ANXA11: variants seen among roughly 807,000 people sequenced by gnomAD.
ANXA11 encodes the protein 56 kDa autoantigen.
A neutral mutation model predicts 64.7 loss-of-function variants in ANXA11; 57 were observed. That is an observed-to-expected ratio of 0.88 (90% confidence interval 0.71 to 1.10). The LOEUF (loss-of-function observed/expected upper bound fraction) is 1.10. Ranked by LOEUF, ANXA11 falls within the 50% of genes least tolerant of loss-of-function variation. ANXA11 has a pLI of 0.00. For synonymous variants in ANXA11, 260 were observed against 265.2 expected, an observed-to-expected ratio of 0.98 and a Z score of 0.19; for missense variants, 675 against 670.7, an observed-to-expected ratio of 1.01 and a Z score of -0.07.
chr10:80,170,031 A>C (rs1330256076), intron 4 of ANXA11, among the ~76,000 whole-genome samples: 2 of 152,096 alleles, frequency 1.3e-5, no homozygotes, highest in Non-Finnish European at 2.9e-5. Context: ...CTTACTGCTA[A>C]CTTAAAATCA....
chr10:80,190,707 G>T (rs921190743), intron 1 of ANXA11, among the ~76,000 whole-genome samples: 2 of 150,354 alleles, frequency 1.3e-5, no homozygotes, highest in Non-Finnish European at 3.0e-5. Context: ...AGATGGTCTC[G>T]ATCTCCTGAC....
chr10:80,198,229 T>C (rs1022281275), intron 1 of ANXA11, among the ~76,000 whole-genome samples: 3 of 152,186 alleles, frequency 2.0e-5, no homozygotes, highest in Non-Finnish European at 4.4e-5. Context: ...CTGATAAGCA[T>C]AGTAGTAGTT....
intron 5 of ANXA11, among the ~76,000 whole-genome samples, chr10:80,168,701 T>A (rs1257501553): frequency 6.6e-6 from 1 of 151,852 alleles, no homozygotes; most frequent in Non-Finnish European, 1.5e-5. Context: ...GCCCAGCTAA[T>A]TTTTTTTCTA....
At chr10:80,169,962 G>C (rs958099120) in intron 4 of ANXA11, among the ~76,000 whole-genome samples, 1 of 152,002 alleles carries the variant, frequency 6.6e-6, no homozygotes, top group South Asian at 2.1e-4. Flanking sequence ...CATCCATACA[G>C]CACTTCCTTC....
chr10:80,205,277 G>C (rs1037627477), intron 1 of ANXA11, 66 bp downstream of exon 1: 7 of 148,334 alleles, frequency 4.7e-5, no homozygotes, highest in Non-Finnish European at 9.0e-5. Flanking sequence ...GGCCTCACCC[G>C]CGGCGCCGCG....
intron 12 of ANXA11, among the ~76,000 whole-genome samples, chr10:80,161,469 A>G (rs1322582569): frequency 1.3e-5 from 2 of 152,192 alleles, no homozygotes; most frequent in Admixed American, 1.3e-4. Flanking sequence ...CCCAAATGAG[A>G]AAGTGCAGCC....
At chr10:80,171,036 T>C in intron 3 of ANXA11, 121 bp from the exon 4 acceptor site, 2 of 1,524,560 alleles carry the variant, frequency 1.3e-6, no homozygotes, top group Admixed American at 2.1e-5. Flanking sequence ...GCCTCGAGCC[T>C]CGGGACACCA....
chr10:80,156,492 A>C (rs1412600984), intron 15 of ANXA11: 1 of 470,664 alleles, frequency 2.1e-6, no homozygotes, highest in African/African-American at 2.0e-5. Context: ...GGCATGCAGG[A>C]GATACTCTGT....
rs1054277340 is a variant in ANXA11, at chr10:80,169,138, T to A, written c.392A>T (p.Gln131Leu). 3 of 1,551,794 alleles carry A rather than the reference T, an allele frequency of 1.9e-6. No individual in the cohort carries two copies. The highest frequency in any genetic ancestry group is 2.1e-5 in the Admixed American group (1 of 48,002). ...PPYPGAPVPG[Q>L]PMPPPGQQPP... Reference sequence around the variant, plus strand: ...CTGCTGTCCGGGGGGTGGCATGGGCTGGCCCGGCACAGGGGCCCCTGGGTA... The same window carrying A: ...CTGCTGTCCGGGGGGTGGCATGGGCAGGCCCGGCACAGGGGCCCCTGGGTA... The change falls in exon 5 of 16, where the codon CAG becomes CTG. Residue 131 changes from glutamine (Q) to leucine (L), a missense_variant. By Grantham distance (113) the Gln-to-Leu change is moderately radical (BLOSUM62 -2). Transcript: ENST00000422982.
At chr10:80,189,084 G>A (rs540441850) in intron 1 of ANXA11, among the ~76,000 whole-genome samples, 1 of 152,206 alleles carries the variant, frequency 6.6e-6, no homozygotes, top group African/African-American at 2.4e-5. Context: ...AAAAGGGACT[G>A]TCCTGAGGTG....
intron 1 of ANXA11, among the ~76,000 whole-genome samples, chr10:80,203,763 G>C: frequency 6.6e-6 from 1 of 152,224 alleles, no homozygotes; most frequent in South Asian, 2.1e-4. Context: ...CACCCGGATG[G>C]CTCCCAGGAG....
intron 1 of ANXA11, among the ~76,000 whole-genome samples, chr10:80,193,077 T>C (rs1333616857): frequency 6.6e-6 from 1 of 152,128 alleles, no homozygotes; most frequent in African/African-American, 2.4e-5. Context: ...CCAGACCAGT[T>C]TGGAACAATA....
intron 1 of ANXA11, among the ~76,000 whole-genome samples, chr10:80,193,140 T>C (rs922412666): frequency 3.3e-5 from 5 of 152,092 alleles, no homozygotes; most frequent in South Asian, 2.1e-4. Flanking sequence ...CTGAGGAATA[T>C]TGGGACAGGA....
At position 80,203,941 on chromosome 10, in the gene ANXA11, A is replaced by T. The variant is rs75831912; in HGVS notation, c.-58+1402T>A. 4.1e-3 allele frequency among the ~76,000 whole-genome samples: 621 copies of T among 152,282 alleles called. 3 individuals carry two copies. The highest frequency in any genetic ancestry group is 0.014 in the African/African-American group (590 of 41,546). On this transcript the variant is annotated intron_variant, in intron 1 of 15. Transcript: ENST00000422982. ...TGACCCTTACACCTGATTATTTATGACCCAGGCCTGCCTCACACACTTTAT... is the reference window on the plus strand; with the variant it reads ...TGACCCTTACACCTGATTATTTATGTCCCAGGCCTGCCTCACACACTTTAT...
Position 80,159,087 on chromosome 10 carries a change from C to T in ANXA11, c.1276+13G>A. 1.2e-6 allele frequency: 2 copies of T among 1,612,028 alleles called. No individual in the cohort carries two copies. Among genetic ancestry groups the T allele is most frequent in the Non-Finnish European group, 1.7e-6 (2 of 1,178,396 alleles). On this transcript the variant is annotated intron_variant, in intron 13 of 15. Transcript: ENST00000422982. ...AGCCCCTGGCAGGTGGGCGGCAAACCTGAGACACTTACCCACGGCCAGCAT... is the reference window on the plus strand; with the variant it reads ...AGCCCCTGGCAGGTGGGCGGCAAACTTGAGACACTTACCCACGGCCAGCAT...
At chr10:80,176,584 G>A (rs1302988533) in intron 1 of ANXA11, among the ~76,000 whole-genome samples, 1 of 152,216 alleles carries the variant, frequency 6.6e-6, no homozygotes, top group Non-Finnish European at 1.5e-5. Flanking sequence ...CCCAATTCAG[G>A]TGCAGATTTC....
intron 11 of ANXA11, 61 bp from the exon 12 acceptor site, chr10:80,162,089 AC>A: frequency 7.1e-7 from 1 of 1,403,628 alleles, no homozygotes; most frequent in Non-Finnish European, 9.9e-7. Context: ...GGCCCAGGTC[AC>A]CCAGGAGAGC....
At chr10:80,162,437 G>A (rs1437731331) in intron 11 of ANXA11, among the ~76,000 whole-genome samples, 2 of 152,268 alleles carry the variant, frequency 1.3e-5, no homozygotes, top group African/African-American at 4.8e-5. Context: ...GGCAGACCCT[G>A]CAGGAGCAGC....
chr10:80,187,545 GCA>G (rs773152656), intron 1 of ANXA11, among the ~76,000 whole-genome samples: 1,956 of 150,402 alleles, frequency 0.013, 35 homozygotes, highest in African/African-American at 0.035. Flanking sequence ...GTGCGCGCGT[GCA>G]CACACACACA....
Sources: allele counts gnomAD v4.1 joint callset (sites outside exome capture counted in the v4.1 genomes callset), GRCh38; gene constraint gnomAD v4.1.1; transcripts MANE v1.5; gene names NCBI Gene and HGNC (gene_info 2026-07-23, HGNC 2026-07-21).